Variants in CTSG observed in about 807,000 individuals in gnomAD.
CTSG encodes cathepsin G.
A neutral mutation model predicts 23.0 loss-of-function variants in CTSG; 23 were observed. That is an observed-to-expected ratio of 1.00 (90% CI 0.72 to 1.42). The LOEUF is 1.42. CTSG is among the 40% of genes most tolerant of loss of function. The pLI, the probability that CTSG is intolerant of heterozygous loss-of-function variation, is 0.00. For synonymous variants in CTSG, 140 were observed against 130.4 expected (o/e 1.07, Z -0.50); for missense variants, 312 against 326.2 (o/e 0.96, Z 0.33).
At position 24,575,401 on chromosome 14, in the gene CTSG, C is replaced by T. The variant is rs1566552319; in HGVS notation, c.67G>A (p.Gly23Arg). The T allele has an allele frequency of 3.1e-6, 5 of 1,614,132 alleles. No individual in the cohort carries two copies. Among genetic ancestry groups the T allele is most frequent in the Non-Finnish European group, 2.5e-6 (3 of 1,180,022 alleles). ...GAGTGGGGCCTGCTCTCCCGGCCTC[C>T]GATGATCTCCCCTGGAAGGAAGCAT... ...PTGAEAGEII[G>R]GRESRPHSRP... is the part of the protein sequence containing the mutation. The change falls in exon 2 of 5, where the codon GGA (glycine) becomes AGA (arginine). Residue 23 changes from glycine (G) to arginine (R), a missense_variant. Coordinates refer to ENST00000216336, the MANE Select transcript of CTSG (RefSeq NM_001911.3).
chr14:24,575,555 A>C, intron 1 of CTSG, 143 bp from the exon 2 acceptor site: 1 of 851,730 alleles, frequency 1.2e-6, no homozygotes, highest in Non-Finnish European at 1.9e-6. Context: ...TGAGGCTTGG[A>C]GTCTATGGGG....
chr14:24,573,524 C>A lies in CTSG; in HGVS notation c.*113G>T. 1 of 1,093,236 alleles carries A rather than the reference C, an allele frequency of 9.1e-7. No individual in the cohort carries two copies. 67.7% of individuals were successfully genotyped at this position (1,093,236 alleles called of 1,614,324 possible). On this transcript the variant is annotated 3_prime_UTR_variant, in exon 5 of 5. Transcript: ENST00000216336. ...TGTAGCAATCCAAACAAACTAAGTACTGAATGACGTTTAATGAACAAATGA... is the reference window on the plus strand; with the variant it reads ...TGTAGCAATCCAAACAAACTAAGTAATGAATGACGTTTAATGAACAAATGA...
chr14:24,574,117 A>T, intron 4 of CTSG, 128 bp downstream of exon 4: 1 of 1,238,750 alleles, frequency 8.1e-7, no homozygotes, highest in South Asian at 1.4e-5. Flanking sequence ...GTTGATGGGG[A>T]AAACAATCCC....
At position 24,574,294 on chromosome 14, in the gene CTSG, C is replaced by CG. The variant is rs2066729566; in HGVS notation, c.544dup (p.Arg182ProfsTer27). On this transcript the variant is annotated frameshift_variant, in exon 4 of 5. Transcript: ENST00000216336. LOFTEE classifies it low-confidence loss of function (END_TRUNC). ...CCGGTCCCCCACACAAATCTGCCTT[C>CG]GGGGGTCGTAGGAACCGAAGATGCG... is the stretch of plus-strand genomic sequence containing the variant. 6.2e-7 allele frequency: 1 copy of CG among 1,600,830 alleles called. No individual in the cohort carries two copies. Among genetic ancestry groups the CG allele is most frequent in the Non-Finnish European group, 8.5e-7 (1 of 1,179,948 alleles).
At chr14:24,573,844 G>T in intron 4 of CTSG, 34 bp from the exon 5 acceptor site, 1 of 1,587,654 alleles carries the variant, frequency 6.3e-7, no homozygotes, top group Non-Finnish European at 8.6e-7. Context: ...GACTGAGACA[G>T]GCCTCCCTGC....
chr14:24,574,840 C>A (rs556092064), intron 2 of CTSG, 30 bp from the exon 3 acceptor site: 5 of 1,612,118 alleles, frequency 3.1e-6, no homozygotes, highest in South Asian at 2.2e-5. Flanking sequence ...GTCTGGGCTG[C>A]AGGAGCTATG....
rs2066729152 is a variant in CTSG at position 24,574,236 on chromosome 14, A to G, written c.594+9T>C. On this transcript the variant is annotated intron_variant, in intron 4 of 4. Transcript: ENST00000216336. Reference sequence around the variant, plus strand: ...TCCCGGGGTGTGTTGGCCAATGCCCATGCCTTACCTTGAAGGCAGCCTTCC... The same window carrying G: ...TCCCGGGGTGTGTTGGCCAATGCCCGTGCCTTACCTTGAAGGCAGCCTTCC... The G allele has an allele frequency of 6.3e-7, 1 of 1,599,414 alleles. No individual in the cohort carries two copies. The highest frequency in any genetic ancestry group is 2.2e-5 in the East Asian group (1 of 44,844).
intron 4 of CTSG, 119 bp downstream of exon 4, chr14:24,574,126 C>A: frequency 9.0e-6 from 12 of 1,335,080 alleles, no homozygotes; most frequent in Non-Finnish European, 1.1e-5. Context: ...GAAAACAATC[C>A]CCAGCCCACC....
intron 1 of CTSG, among the ~76,000 whole-genome samples, chr14:24,575,721 A>G (rs1293939342): frequency 6.6e-6 from 1 of 152,172 alleles, no homozygotes; most frequent in Non-Finnish European, 1.5e-5. Flanking sequence ...TCAGGTATTG[A>G]GGAGAATGCT....
Position 24,574,498 on chromosome 14 carries a change from A to G in CTSG, c.341T>C (p.Leu114Pro). 6.2e-7 allele frequency: 1 copy of G among 1,613,844 alleles called. No individual in the cohort carries two copies. Among genetic ancestry groups the G allele is most frequent in the African/African-American group, 1.3e-5 (1 of 75,008 alleles). The change falls in exon 4 of 5, where the codon CTG becomes CCG. Residue 114 changes from leucine to proline, a missense_variant and splice_region_variant. Transcript: ENST00000216336. ...TIQNDIMLLQ[L>P]SRRVRRNRNV... ...TCGATTCCGTCTGACTCTTCTGCTC[A>G]GCTGGAGGAAGAATGTAGGCGTTCC...
chr14:24,575,442 A>G (rs2066737339), intron 1 of CTSG, 30 bp from the exon 2 acceptor site: 1 of 1,613,230 alleles, frequency 6.2e-7, no homozygotes, highest in Non-Finnish European at 8.5e-7. Context: ...ACTTAGCTCT[A>G]TGCTTGCTGA....
At position 24,573,646 on chromosome 14, in the gene CTSG, G is replaced by T; in HGVS notation, c.759C>A (p.Thr253=). 3 of 1,613,464 alleles carry T rather than the reference G, an allele frequency of 1.9e-6. No individual in the cohort carries two copies. Among genetic ancestry groups the T allele is most frequent in the East Asian group, 2.2e-5 (1 of 44,866 alleles). Residue 253 remains threonine, a synonymous_variant, in exon 5 of 5, where the codon ACC becomes ACA. Transcript: ENST00000216336. The part of the protein sequence containing the change: ...RSFKLLDQME[T]PL ...CGAGAAGAAGAGTCAGTCACAGGGG[G>T]GTCTCCATCTGATCCAGCAGTTTGA...
rs756783567 is a variant in CTSG at position 24,574,381 on chromosome 14, C to A, written c.458G>T (p.Arg153Met). ...CTCTCGGAGTGTATCTGTTCCCCTC[C>A]TCATGCTGACCCTGCCCCAGCCGGC... Reference protein sequence around the residue: ...TVAGWGRVSMRRGTDTLREVQ... With the variant: ...TVAGWGRVSMMRGTDTLREVQ... The change falls in exon 4 of 5, where the codon AGG becomes ATG. Residue 153 changes from arginine (R) to methionine (M), a missense_variant. Physicochemically the swap from Arg to Met is moderately conservative, Grantham distance 91. Coordinates refer to ENST00000216336, the MANE Select transcript of CTSG (RefSeq NM_001911.3). 4 of 1,611,580 alleles carry A rather than the reference C, an allele frequency of 2.5e-6. No individual in the cohort carries two copies.
At chr14:24,575,466 G>T in intron 1 of CTSG, 54 bp from the exon 2 acceptor site, 4 of 1,592,506 alleles carry the variant, frequency 2.5e-6, no homozygotes, top group Middle Eastern at 1.7e-4. Flanking sequence ...TGCAATGTGG[G>T]TACCAGATTG....
In CTSG at chr14:24,575,351, C is replaced by G; in HGVS notation, c.117G>C (p.Gln39His). The change falls in exon 2 of 5, where the codon CAG becomes CAC. Residue 39 changes from glutamine to histidine, a missense_variant. Physicochemically the swap from Gln to His is conservative, Grantham distance 24. Coordinates refer to ENST00000216336, the MANE Select transcript of CTSG (RefSeq NM_001911.3). ...TGCTCTGACCTGCTGGACTCTGGATCTGAAGATACGCCATGTAGGGGCGGG... is the reference window on the plus strand; with the variant it reads ...TGCTCTGACCTGCTGGACTCTGGATGTGAAGATACGCCATGTAGGGGCGGG... ...PHSRPYMAYL[Q>H]IQSPAGQSRC... is the part of the protein sequence containing the mutation. The G allele has an allele frequency of 6.2e-7, 1 of 1,614,206 alleles. No individual in the cohort carries two copies. Among genetic ancestry groups the G allele is most frequent in the Non-Finnish European group, 8.5e-7 (1 of 1,180,042 alleles).
In CTSG at chr14:24,574,334, C is replaced by T. The variant is rs368526295; in HGVS notation, c.505G>A (p.Asp169Asn). 37 of 1,605,676 alleles carry T rather than the reference C, an allele frequency of 2.3e-5. No individual in the cohort carries two copies. The highest frequency in any genetic ancestry group is 3.1e-5 in the Non-Finnish European group (36 of 1,179,968). The change falls in exon 4 of 5, where the codon GAT (aspartate) becomes AAT (asparagine). Residue 169 changes from aspartate to asparagine, a missense_variant. Asp to Asn is a conservative substitution (Grantham distance 23, BLOSUM62 1). Transcript: ENST00000216336. ...LREVQLRVQR[D>N]RQCLRIFGSY... ...CCGAAGATGCGGAGGCACTGCCTAT[C>T]CCTCTGCACTCTCAGCTGCACCTCT...
In CTSG at chr14:24,573,663, G is replaced by A; in HGVS notation, c.742C>T (p.Leu248=). Residue 248 remains leucine, a synonymous_variant, in exon 5 of 5, where the codon CTG becomes TTG. Coordinates refer to ENST00000216336, the MANE Select transcript of CTSG (RefSeq NM_001911.3). ...IRTTMRSFKL[L]DQMETPL The stretch of plus-strand genomic sequence containing the variant: ...CACAGGGGGGTCTCCATCTGATCCA[G>A]CAGTTTGAAGCTTCTCATTGTTGTC... 6.2e-7 allele frequency: 1 copy of A among 1,614,020 alleles called. No homozygotes were observed.
Position 24,574,425 on chromosome 14 carries a change from G to C in CTSG, c.414C>G (p.Pro138=). 2.5e-6 allele frequency: 4 copies of C among 1,613,636 alleles called. No homozygotes were observed. Among genetic ancestry groups the C allele is most frequent in the Non-Finnish European group, 3.4e-6 (4 of 1,180,036 alleles). The change falls in exon 4 of 5, where the codon CCC becomes CCG. Residue 138 remains proline (P), a synonymous_variant. Coordinates refer to ENST00000216336, the MANE Select transcript of CTSG (RefSeq NM_001911.3). ...AGCCGGCCACAGTGCACAGCGTCCC[G>C]GGTCTCAGTCCCTCCTGGGCTCTAG... ...ALPRAQEGLR[P]GTLCTVAGWG... is the part of the protein sequence containing the mutation.
intron 1 of CTSG, among the ~76,000 whole-genome samples, chr14:24,575,827 G>C (rs2066739293): frequency 6.6e-6 from 1 of 152,108 alleles, no homozygotes; most frequent in African/African-American, 2.4e-5. Flanking sequence ...GACCACGTGG[G>C]ACTGGTGTTT....
Sources: gnomAD v4.1 joint callset for allele counts (sites outside exome capture counted in the v4.1 genomes callset) on GRCh38, gnomAD v4.1.1 for gene constraint, MANE v1.5 for transcripts, NCBI Gene and HGNC (gene_info 2026-07-23, HGNC 2026-07-21) for gene names.